USP9X: variants seen among roughly 807,000 people sequenced by gnomAD.
USP9X encodes the protein ubiquitin specific peptidase 9 X-linked, also known as ubiquitin carboxyl-terminal hydrolase 9X.
A neutral mutation model predicts 190.3 loss-of-function variants in USP9X; 7 were observed. The ratio of observed to expected loss-of-function variants is 0.04; its 90% CI spans 0.02 to 0.07. The LOEUF (loss-of-function observed/expected upper bound fraction) is 0.07, where lower values mean the gene tolerates loss of function less well. Ranked by LOEUF, USP9X falls within the 10% of genes least tolerant of loss-of-function variation. The pLI is 1.00. For synonymous variants in USP9X, 645 were observed against 659.5 expected, an observed-to-expected ratio of 0.98 and a Z score of 0.34; for missense variants, 1,010 against 1,916.9, an observed-to-expected ratio of 0.53 and a Z score of 8.83.
intron 1 of USP9X, among the ~76,000 whole-genome samples, chrX:41,109,650 G>A: frequency 8.9e-6 from 1 of 111,919 alleles, no homozygotes; most frequent in East Asian, 2.8e-4. Flanking sequence ...AATAAAATAC[G>A]AGCATTTAGC....
chrX:41,097,661 TTGTTTTACA>T (rs1312256621), intron 1 of USP9X, among the ~76,000 whole-genome samples: 2 of 112,237 alleles, frequency 1.8e-5, no homozygotes, highest in Non-Finnish European at 3.8e-5. Flanking sequence ...AAGAGAGGCA[TTGTTTTACA>T]TGTTTTACAA....
At chrX:41,137,765 A>T (rs1369047399) in intron 6 of USP9X, among the ~76,000 whole-genome samples, 1 of 111,632 alleles carries the variant, frequency 9.0e-6, no homozygotes. Context: ...TTCCTAGTTC[A>T]TATAGTTGCC....
intron 2 of USP9X, among the ~76,000 whole-genome samples, chrX:41,126,992 G>A (rs1190695427): frequency 9.0e-6 from 1 of 111,165 alleles, no homozygotes; most frequent in East Asian, 2.8e-4. Context: ...CAGAGACACC[G>A]TGGGATGAAC....
chrX:41,144,831 T>C (rs2062451371), intron 11 of USP9X, among the ~76,000 whole-genome samples: 1 of 111,428 alleles, frequency 9.0e-6, no homozygotes, highest in African/African-American at 3.3e-5. Flanking sequence ...AAACTCAGGC[T>C]ATCACTTTTT....
At chrX:41,201,024 C>T (rs750174695) in intron 30 of USP9X, 36 bp from the exon 31 acceptor site, 2 of 1,176,833 alleles carry the variant, frequency 1.7e-6, no homozygotes, top group South Asian at 3.6e-5. Context: ...GACAGAATGG[C>T]CGTGTTCATG....
At position 41,216,603 on chromosome X, in the gene USP9X, T is replaced by C. The variant is rs2063213589; in HGVS notation, c.6036T>C (p.Phe2012=). ...RMQYSMEYFQ[F]MKKLLTCNGV... is the part of the protein sequence containing the mutation. Reference sequence around the variant, plus strand: ...AGTACAGTATGGAGTATTTTCAGTTTATGAAAAAACTGCTTACATGTAATG... The same window carrying C: ...AGTACAGTATGGAGTATTTTCAGTTCATGAAAAAACTGCTTACATGTAATG... Residue 2012 remains phenylalanine (F), a synonymous_variant, in exon 35 of 45, where the codon TTT becomes TTC. Transcript: ENST00000378308. 3 of 1,208,937 alleles carry C rather than the reference T, an allele frequency of 2.5e-6. No homozygotes were observed. Among genetic ancestry groups the C allele is most frequent in the African/African-American group, 3.5e-5 (2 of 57,083 alleles).
rs770897883 is a variant in USP9X, at chrX:41,097,936, T to C, written c.-159+11827T>C. ...GATGTGATGTTATCTTTTGAGTGGCTTATCTACTGTAAATTTTATTTTAAC... is the reference window on the plus strand; with the variant it reads ...GATGTGATGTTATCTTTTGAGTGGCCTATCTACTGTAAATTTTATTTTAAC... On this transcript the variant is annotated intron_variant, in intron 1 of 44. Coordinates refer to ENST00000378308, the MANE Select transcript of USP9X (RefSeq NM_001039591.3). Among the ~76,000 whole-genome samples the C allele has an allele frequency of 5.4e-5, 6 of 111,892 alleles. No individual in the cohort carries two copies. The Admixed American group carries it at 5.7e-4, about 11-fold the overall frequency.
chrX:41,232,587 T>C lies in USP9X; in HGVS notation c.*63T>C. 8.9e-7 allele frequency: 1 copy of C among 1,129,566 alleles called. No homozygotes were observed. Among genetic ancestry groups the C allele is most frequent in the Non-Finnish European group, 1.2e-6 (1 of 844,199 alleles). 93.1% of individuals were successfully genotyped at this position (1,129,566 alleles called of 1,213,427 possible). ...CCCAGGCCTTACAGTCCAACCTTTT[T>C]CTGTGTCTGGCTAATATTTAAAACT... On this transcript the variant is annotated 3_prime_UTR_variant, in exon 45 of 45. Transcript: ENST00000378308.
In USP9X at chrX:41,205,463, A is replaced by G. The variant is rs960494566; in HGVS notation, c.4985A>G (p.Tyr1662Cys). 2.5e-6 allele frequency: 3 copies of G among 1,209,330 alleles called. No homozygotes were observed. Among genetic ancestry groups the G allele is most frequent in the South Asian group, 1.8e-5 (1 of 56,313 alleles). ...TTAGCTGCTTCTCGACTGCAATACT[A>G]TGTGCCCAGAGGATTTTGGAAACAG... The part of the protein sequence containing the change: ...GHLAASRLQY[Y>C]VPRGFWKQFR... The change falls in exon 32 of 45, where the codon TAT becomes TGT. Residue 1662 changes from tyrosine to cysteine, a missense_variant. Physicochemically the swap from Tyr to Cys is radical, Grantham distance 194. Transcript: ENST00000378308.
intron 31 of USP9X, among the ~76,000 whole-genome samples, chrX:41,203,354 C>T (rs1442557787): frequency 8.9e-6 from 1 of 112,218 alleles, no homozygotes; most frequent in Admixed American, 9.5e-5. Context: ...TCTCCCTCCC[C>T]ACAGCCTCTG....
chrX:41,221,849 G>T (rs183842283), intron 38 of USP9X, among the ~76,000 whole-genome samples: 1 of 111,504 alleles, frequency 9.0e-6, no homozygotes, highest in East Asian at 2.8e-4. Flanking sequence ...TGGAGAACTG[G>T]CAGTGAGGGA....
At chrX:41,122,630 C>T (rs2062200292) in intron 1 of USP9X, among the ~76,000 whole-genome samples, 1 of 112,054 alleles carries the variant, frequency 8.9e-6, no homozygotes, top group African/African-American at 3.2e-5. Flanking sequence ...GCCCTGCTGT[C>T]CCAGCATAAG....
intron 32 of USP9X, 47 bp from the exon 33 acceptor site, chrX:41,210,462 T>G: frequency 8.6e-7 from 1 of 1,165,294 alleles, no homozygotes; most frequent in South Asian, 1.9e-5. Flanking sequence ...GTACATATTG[T>G]TCTGTGAATG....
chrX:41,143,124 T>C (rs1316170623), intron 9 of USP9X, among the ~76,000 whole-genome samples, 167 bp from the exon 10 acceptor site: 1 of 112,019 alleles, frequency 8.9e-6, no homozygotes. Context: ...AAAATTGTTA[T>C]AAAATTTCAT....
At chrX:41,096,999 T>C (rs774148537) in intron 1 of USP9X, among the ~76,000 whole-genome samples, 2 of 111,177 alleles carry the variant, frequency 1.8e-5, no homozygotes, top group East Asian at 5.6e-4. Context: ...TCCATTTACT[T>C]GTCAATCCAA....
intron 3 of USP9X, among the ~76,000 whole-genome samples, chrX:41,129,564 G>T (rs1315082456): frequency 9.0e-6 from 1 of 111,465 alleles, no homozygotes; most frequent in Non-Finnish European, 1.9e-5. Flanking sequence ...TCATCTCAGG[G>T]AACAGTTCAG....
At chrX:41,210,733 A>G (rs750110453) in intron 33 of USP9X, 51 bp downstream of exon 33, 14 of 1,126,048 alleles carry the variant, frequency 1.2e-5, no homozygotes, top group Non-Finnish European at 1.5e-5. Flanking sequence ...GTATATACTA[A>G]CAGAAATAAA....
chrX:41,188,075 A>G lies in USP9X; in HGVS notation c.3768A>G (p.Leu1256=). 5.0e-6 allele frequency: 6 copies of G among 1,209,847 alleles called. No individual in the cohort carries two copies. The highest frequency in any genetic ancestry group is 2.3e-4 in the Middle Eastern group (1 of 4,346). Residue 1256 remains leucine, a synonymous_variant, in exon 25 of 45, where the codon CTA becomes CTG. Coordinates refer to ENST00000378308, the MANE Select transcript of USP9X (RefSeq NM_001039591.3). Reference sequence around the variant, plus strand: ...CATCAGGATGTGGGTCGTTACAGCTAGTATTTAGCCCAAATGAAGAAATCA... The same window carrying G: ...CATCAGGATGTGGGTCGTTACAGCTGGTATTTAGCCCAAATGAAGAAATCA... ...IWASGCGSLQ[L]VFSPNEEITK...
chrX:41,201,397 G>A, intron 31 of USP9X, 117 bp downstream of exon 31: 1 of 716,247 alleles, frequency 1.4e-6, no homozygotes, highest in Non-Finnish European at 2.0e-6. Flanking sequence ...TTGAAAGTTA[G>A]GGATGGGCCG....
Sources: allele counts gnomAD v4.1 joint callset (sites outside exome capture counted in the v4.1 genomes callset), GRCh38; gene constraint gnomAD v4.1.1; transcripts MANE v1.5; gene names NCBI Gene and HGNC (gene_info 2026-07-23, HGNC 2026-07-21).